CLEC5A: variants seen among roughly 807,000 people sequenced by gnomAD.
CLEC5A encodes C-type lectin domain containing 5A.
CLEC5A carries 15 observed loss-of-function variants against 24.4 expected under a neutral mutation model. The observed-to-expected ratio is 0.62, with a 90% confidence interval of 0.41 to 0.95. The LOEUF is 0.95. CLEC5A is among the 40% of genes least tolerant of loss of function. The probability of loss-of-function intolerance (pLI) is 0.00; values close to 1 mark genes in which losing one functional copy is unlikely to be tolerated. For synonymous variants in CLEC5A, 71 were observed against 72.6 expected, an observed-to-expected ratio of 0.98 and a Z score of 0.11; for missense variants, 211 against 224.0, an observed-to-expected ratio of 0.94 and a Z score of 0.37.
chr7:141,932,869 C>G (rs920743105), intron 5 of CLEC5A, among the ~76,000 whole-genome samples: 1 of 152,152 alleles, frequency 6.6e-6, no homozygotes, highest in African/African-American at 2.4e-5. Flanking sequence ...CCCTGAAAAG[C>G]TTAAAATGTA....
In CLEC5A at chr7:141,935,820, C is replaced by T. The variant is rs782501018; in HGVS notation, c.339G>A (p.Glu113=). 1.9e-6 allele frequency: 3 copies of T among 1,614,060 alleles called. No homozygotes were observed. The highest frequency in any genetic ancestry group is 1.7e-5 in the Admixed American group (1 of 60,024). Residue 113 remains glutamate (E), a synonymous_variant, in exon 5 of 7, where the codon GAG becomes GAA. Transcript: ENST00000546910. ...GSTLAIVNTP[E]KLKFLQDITD... ...ACCATTCCAGTGTTCTCACCAGTTT[C>T]TCTGGCGTGTTGACAATTGCCAATG...
At chr7:141,945,978 G>A (rs940900919) in intron 2 of CLEC5A, 50 of 501,558 alleles carry the variant, frequency 1.0e-4, no homozygotes, top group African/African-American at 7.8e-4. Flanking sequence ...TTTGCGTGGC[G>A]TTCTAACCAT....
intron 4 of CLEC5A, among the ~76,000 whole-genome samples, chr7:141,941,624 G>T (rs999322423): frequency 3.3e-5 from 5 of 152,188 alleles, no homozygotes; most frequent in Admixed American, 6.5e-5. Context: ...AAATTGGAAA[G>T]GATGAAGTCA....
chr7:141,945,587 G>A (rs1802930089), intron 2 of CLEC5A, among the ~76,000 whole-genome samples, 187 bp from the exon 3 acceptor site: 1 of 152,072 alleles, frequency 6.6e-6, no homozygotes, highest in African/African-American at 2.4e-5. Context: ...TTTCTGTCCT[G>A]CTGTCTGACA....
At chr7:141,933,829 C>T (rs1554440711) in intron 5 of CLEC5A, among the ~76,000 whole-genome samples, 1 of 151,960 alleles carries the variant, frequency 6.6e-6, no homozygotes, top group Non-Finnish European at 1.5e-5. Context: ...CATGGCTCAG[C>T]ATGCATTCAT....
rs1367884406 is a variant in CLEC5A, at chr7:141,934,612, C to G, written c.345+1202G>C. On this transcript the variant is annotated intron_variant, in intron 5 of 6. Transcript: ENST00000546910. The stretch of plus-strand genomic sequence containing the variant: ...TGATGACCTTTGTCTTTTTCTTTAA[C>G]GTTTTTTTTTTTTTTTTTTTTTTTT... Among the ~76,000 whole-genome samples, 93 of 83,162 alleles carry G rather than the reference C, an allele frequency of 1.1e-3. 2 individuals are homozygous for G. The highest frequency in any genetic ancestry group is 4.3e-3 in the African/African-American group (89 of 20,814). The allele number at this position is 83,162 out of a possible 152,430, so 54.6% of individuals were successfully genotyped here.
rs1802875773 is a variant in CLEC5A at position 141,943,924 on chromosome 7, G to A, written c.180C>T (p.Gly60=). 2.5e-6 allele frequency: 4 copies of A among 1,611,446 alleles called. No homozygotes were observed. In the Admixed American group the frequency reaches 6.7e-5, roughly 27 times the overall value. The change falls in exon 4 of 7, where the codon GGC becomes GGT. Residue 60 remains glycine (G), a synonymous_variant. Transcript: ENST00000546910. ...IFGSSSPSPN[G]FITTRSYGTV... ...TTCCATAGCTCCTTGTGGTAATGAA[G>A]CCGTTGGGACTTGGGGAACTGCTCC... is the stretch of plus-strand genomic sequence containing the variant.
At chr7:141,933,630 C>CTA (rs1802532051) in intron 5 of CLEC5A, among the ~76,000 whole-genome samples, 2 of 129,856 alleles carry the variant, frequency 1.5e-5, no homozygotes, top group Non-Finnish European at 3.2e-5. Context: ...GTTATATAAC[C>CTA]TATTTGTGTA....
At chr7:141,935,753 A>G (rs1411741849) in intron 5 of CLEC5A, 61 bp downstream of exon 5, 4 of 1,538,698 alleles carry the variant, frequency 2.6e-6, no homozygotes, top group Non-Finnish European at 3.6e-6. Flanking sequence ...TTTCTACCCC[A>G]TCCCACCCAC....
intron 1 of CLEC5A, among the ~76,000 whole-genome samples, 200 bp from the exon 2 acceptor site, chr7:141,946,512 T>C (rs73538483): frequency 0.018 from 2,705 of 152,306 alleles, 82 homozygotes; most frequent in African/African-American, 0.062. Context: ...CCTTGGAACT[T>C]GGCATACTGC....
At chr7:141,931,661 C>G (rs781827617) in intron 6 of CLEC5A, 59 bp downstream of exon 6, 1 of 899,240 alleles carries the variant, frequency 1.1e-6, no homozygotes, top group South Asian at 1.3e-5. Context: ...CCAGCAATCT[C>G]AGGTTTGGTC....
intron 4 of CLEC5A, among the ~76,000 whole-genome samples, chr7:141,936,877 A>C (rs1486331838): frequency 1.3e-5 from 2 of 152,006 alleles, no homozygotes; most frequent in African/African-American, 2.4e-5. Context: ...AGAATAGGGC[A>C]CTAGTCAGAG....
intron 5 of CLEC5A, among the ~76,000 whole-genome samples, chr7:141,933,922 A>C (rs1554440726): frequency 6.6e-6 from 1 of 152,282 alleles, no homozygotes; most frequent in East Asian, 1.9e-4. Flanking sequence ...GAGCGGCTGG[A>C]GCAAGCAGCT....
At chr7:141,931,691 C>T (rs373132565) in intron 6 of CLEC5A, 29 bp downstream of exon 6, 146 of 1,233,992 alleles carry the variant, frequency 1.2e-4, no homozygotes, top group Admixed American at 8.4e-5. Context: ...AAACCAAGAT[C>T]CCCAGGAAAC....
chr7:141,934,623 T>TG (rs1443878100), intron 5 of CLEC5A, among the ~76,000 whole-genome samples: 6 of 123,110 alleles, frequency 4.9e-5, no homozygotes, highest in Non-Finnish European at 9.9e-5. Context: ...GTTTTTTTTT[T>TG]TTTTTTTTTT....
At chr7:141,943,066 C>T (rs2128962453) in intron 4 of CLEC5A, among the ~76,000 whole-genome samples, 1 of 152,232 alleles carries the variant, frequency 6.6e-6, no homozygotes, top group South Asian at 2.1e-4. Context: ...AGCAATTACA[C>T]TCTTAAGTAT....
At chr7:141,932,573 C>G (rs1262998831) in intron 5 of CLEC5A, among the ~76,000 whole-genome samples, 1 of 152,188 alleles carries the variant, frequency 6.6e-6, no homozygotes, top group African/African-American at 2.4e-5. Flanking sequence ...TTCTCCTTTT[C>G]TGAAATATCT....
At chr7:141,945,192 T>A in intron 3 of CLEC5A, 149 bp downstream of exon 3, 1 of 738,462 alleles carries the variant, frequency 1.4e-6, no homozygotes, top group Non-Finnish European at 2.5e-6. Flanking sequence ...TTTTCTCATA[T>A]GTAAAAGAAA....
intron 5 of CLEC5A, among the ~76,000 whole-genome samples, chr7:141,932,234 A>G (rs1240536304): frequency 6.6e-6 from 1 of 152,256 alleles, no homozygotes; most frequent in Non-Finnish European, 1.5e-5. Flanking sequence ...TTTTGTTGCC[A>G]GAAATTTTGT....
Sources: allele counts gnomAD v4.1 joint callset (sites outside exome capture counted in the v4.1 genomes callset), GRCh38; gene constraint gnomAD v4.1.1; transcripts MANE v1.5; gene names NCBI Gene and HGNC (gene_info 2026-07-23, HGNC 2026-07-21).